Variants in PTPRG observed in about 807,000 individuals in gnomAD.
The protein encoded by PTPRG is protein tyrosine phosphatase receptor type G, also known as receptor-type tyrosine-protein phosphatase gamma.
A neutral mutation model predicts 165.3 loss-of-function variants in PTPRG; 102 were observed. The observed-to-expected ratio is 0.62, with a 90% CI of 0.53 to 0.73. The LOEUF (loss-of-function observed/expected upper bound fraction) is 0.73. Among genes scored for constraint, PTPRG ranks in the 30% least tolerant of loss-of-function variants. The pLI is 0.00. For missense variants in PTPRG, 1,866 were observed against 1,861.4 expected (o/e 1.00, Z -0.05); for synonymous variants, 675 against 669.5 (o/e 1.01, Z -0.13).
At position 62,219,484 on chromosome 3, in the gene PTPRG, T is replaced by C. The variant is rs548159305; in HGVS notation, c.2288+501T>C. Among the ~76,000 whole-genome samples, 2 of 152,332 alleles carry C rather than the reference T, an allele frequency of 1.3e-5. No individual in the cohort carries two copies. The highest frequency in any genetic ancestry group is 4.1e-4 in the South Asian group (2 of 4,828). On this transcript the variant is annotated intron_variant, in intron 13 of 29. Coordinates refer to ENST00000474889, the MANE Select transcript of PTPRG (RefSeq NM_002841.4). This position sits in a 1 kb window ranked among gnomAD's most constrained non-coding sequence, Gnocchi z 4.5. ...AGCATATTATGTGGTATTTAATATATGTAAGATTAAAATGGCAGATTGTAA... is the reference window on the plus strand; with the variant it reads ...AGCATATTATGTGGTATTTAATATACGTAAGATTAAAATGGCAGATTGTAA...
chr3:61,626,520 C>T (rs888608022), intron 1 of PTPRG, among the ~76,000 whole-genome samples: 6 of 152,280 alleles, frequency 3.9e-5, no homozygotes, highest in African/African-American at 1.2e-4. Context: ...TCAAAACCCA[C>T]GTACACCAAG....
chr3:61,849,372 A>C (rs1312753883), intron 2 of PTPRG, among the ~76,000 whole-genome samples: 1 of 152,222 alleles, frequency 6.6e-6, no homozygotes, highest in Admixed American at 6.5e-5. Context: ...GAATAATTTT[A>C]CAGGGTTTTA....
intron 1 of PTPRG, among the ~76,000 whole-genome samples, chr3:61,608,259 C>T (rs1701068503): frequency 6.6e-6 from 1 of 152,074 alleles, no homozygotes; most frequent in South Asian, 2.1e-4. Context: ...AGAAGCTGAG[C>T]AGCAAGGGAG....
chr3:61,936,551 A>G (rs759523841), intron 2 of PTPRG, among the ~76,000 whole-genome samples: 2 of 152,196 alleles, frequency 1.3e-5, no homozygotes, highest in African/African-American at 2.4e-5. Flanking sequence ...TGGTCAAAAC[A>G]GAGCTGTGCT....
Position 62,295,513 on chromosome 3 carries a change from T to C in PTPRG, c.*2206T>C, listed in dbSNP as rs1249909167. ...ATAGCAAGTATTCCCTCCTGTGCTATTTATAGAGGGCTCAATTCGTAGAAA... is the reference window on the plus strand; with the variant it reads ...ATAGCAAGTATTCCCTCCTGTGCTACTTATAGAGGGCTCAATTCGTAGAAA... On this transcript the variant is annotated 3_prime_UTR_variant, in exon 30 of 30. Transcript: ENST00000474889. The C allele has an allele frequency of 2.0e-5, 3 of 152,040 alleles. No homozygotes were observed. Among genetic ancestry groups the C allele is most frequent in the African/African-American group, 2.4e-5 (1 of 41,404 alleles). The allele number at this position is 152,040 out of a possible 1,614,324, so 9.4% of individuals were successfully genotyped here.
chr3:61,656,053 G>A (rs1702502056), intron 1 of PTPRG, among the ~76,000 whole-genome samples: 1 of 132,602 alleles, frequency 7.5e-6, no homozygotes, highest in Admixed American at 7.7e-5. Context: ...CCCCCCCCCC[G>A]ACCATCTCTA....
chr3:61,586,073 T>G (rs1700426863), intron 1 of PTPRG, among the ~76,000 whole-genome samples: 1 of 152,200 alleles, frequency 6.6e-6, no homozygotes, highest in Non-Finnish European at 1.5e-5. Flanking sequence ...TTAATGCATT[T>G]TGTTTTCTGC....
At chr3:61,670,520 T>C (rs1046716071) in intron 1 of PTPRG, among the ~76,000 whole-genome samples, 3 of 152,226 alleles carry the variant, frequency 2.0e-5, no homozygotes, top group Non-Finnish European at 4.4e-5. Flanking sequence ...GCGCCCTTAT[T>C]GATCAGCGCG....
intron 1 of PTPRG, among the ~76,000 whole-genome samples, chr3:61,632,188 G>C (rs1415513708): frequency 6.6e-6 from 1 of 152,118 alleles, no homozygotes; most frequent in Non-Finnish European, 1.5e-5. Context: ...TGTGTCTGTA[G>C]TCCTAGCTAC....
chr3:61,644,347 C>G (rs141300158), intron 1 of PTPRG, among the ~76,000 whole-genome samples: 2 of 152,174 alleles, frequency 1.3e-5, no homozygotes, highest in East Asian at 3.9e-4. Flanking sequence ...TACCGTTTTC[C>G]AAAGAGGGGG....
intron 1 of PTPRG, among the ~76,000 whole-genome samples, chr3:61,648,775 A>G (rs570870991): frequency 1.1e-4 from 16 of 152,224 alleles, no homozygotes; most frequent in Non-Finnish European, 2.2e-4. Context: ...ATGTTTCCCA[A>G]GAGAATGTTT....
At chr3:61,940,275 A>G (rs1403738177) in intron 2 of PTPRG, among the ~76,000 whole-genome samples, 3 of 152,138 alleles carry the variant, frequency 2.0e-5, no homozygotes, top group Admixed American at 6.5e-5. Flanking sequence ...ATGTGGTTGC[A>G]TTACTTACTT....
At chr3:61,582,263 C>T (rs144179893) in intron 1 of PTPRG, among the ~76,000 whole-genome samples, 1 of 152,290 alleles carries the variant, frequency 6.6e-6, no homozygotes, top group East Asian at 1.9e-4. Context: ...GCCACTGCAC[C>T]TGGCCCTTAT....
chr3:61,818,473 A>C (rs2035854096), intron 2 of PTPRG, among the ~76,000 whole-genome samples: 2 of 152,156 alleles, frequency 1.3e-5, no homozygotes. Context: ...AGAGAAATAT[A>C]ATAATGAAAA....
At chr3:62,185,407 A>G (rs1020114047) in intron 8 of PTPRG, among the ~76,000 whole-genome samples, 4 of 152,202 alleles carry the variant, frequency 2.6e-5, no homozygotes, top group African/African-American at 7.2e-5. Flanking sequence ...TGTTAGGTGC[A>G]GTTTACAAGG....
chr3:61,799,437 T>C (rs9829806), intron 2 of PTPRG, among the ~76,000 whole-genome samples: 50,424 of 152,064 alleles, frequency 0.33, 8,872 homozygotes, highest in Middle Eastern at 0.41. Flanking sequence ...GATGCCACAT[T>C]GCATCTAGTC....
chr3:61,708,171 G>C (rs999915127), intron 1 of PTPRG, among the ~76,000 whole-genome samples: 21 of 151,838 alleles, frequency 1.4e-4, no homozygotes, highest in African/African-American at 5.1e-4. Flanking sequence ...AAGTATGAAA[G>C]GACTGTCCTT....
intron 1 of PTPRG, among the ~76,000 whole-genome samples, chr3:61,747,576 A>T (rs1396416832): frequency 6.6e-6 from 1 of 152,210 alleles, no homozygotes; most frequent in East Asian, 1.9e-4. Context: ...TTCAAGCATT[A>T]CATCTTTTAA....
Position 61,775,151 on chromosome 3 carries a change from A to G in PTPRG, c.190+26169A>G, listed in dbSNP as rs187182406. ...AGCGGCACAATCTTGGCTCGCTGCA[A>G]CCTCTGCCTCCCAGGTTCAATTGAT... On this transcript the variant is annotated intron_variant, in intron 2 of 29. Coordinates refer to ENST00000474889, the MANE Select transcript of PTPRG (RefSeq NM_002841.4). Among the ~76,000 whole-genome samples, 196 of 152,060 alleles carry G rather than the reference A, an allele frequency of 1.3e-3. 1 individual carries two copies. Among genetic ancestry groups the G allele is most frequent in the African/African-American group, 4.4e-3 (183 of 41,486 alleles).
Sources: gnomAD v4.1 joint callset for allele counts (sites outside exome capture counted in the v4.1 genomes callset) on GRCh38, gnomAD v4.1.1 for gene constraint, Gnocchi (gnomAD v3.1) non-coding constraint, MANE v1.5 for transcripts, NCBI Gene and HGNC (gene_info 2026-07-23, HGNC 2026-07-21) for gene names.